TRIM37: variants seen among roughly 807,000 people sequenced by gnomAD.
TRIM37 encodes the protein tripartite motif containing 37.
In TRIM37, 80 loss-of-function variants were observed where a neutral mutation model predicts 129.8. The ratio of observed to expected loss-of-function variants is 0.62; its 90% CI spans 0.51 to 0.74. The LOEUF is 0.74. Ranked by LOEUF, TRIM37 falls within the 30% of genes least tolerant of loss-of-function variation. The pLI, the probability that TRIM37 is intolerant of heterozygous loss-of-function variation, is 0.00. For synonymous variants in TRIM37, 389 were observed against 387.1 expected (o/e 1.00, Z -0.06); for missense variants, 1,054 against 1,176.5 (o/e 0.90, Z 1.52).
chr17:59,047,424 T>C (rs1325015186), intron 16 of TRIM37, among the ~76,000 whole-genome samples: 1 of 152,296 alleles, frequency 6.6e-6, no homozygotes, highest in East Asian at 1.9e-4. Flanking sequence ...AAAATATTCA[T>C]AGGGAATGAA....
At chr17:58,980,257 T>C, downstream of TRIM37, 1 of 1,614,134 alleles carries the variant, frequency 6.2e-7, no homozygotes, top group Non-Finnish European at 8.5e-7. The surrounding 1 kb of genome is among the most constrained non-coding windows in gnomAD (Gnocchi z 4.7). Flanking sequence ...TAAATGTTAG[T>C]GAGGAATCAG....
intron 16 of TRIM37, among the ~76,000 whole-genome samples, chr17:59,045,333 A>T (rs556365260): frequency 2.4e-4 from 36 of 148,298 alleles, no homozygotes; most frequent in Admixed American, 7.4e-4. Flanking sequence ...CGTTTCAAAT[A>T]AAAAAAAAAG....
chr17:59,057,074 C>A lies in TRIM37; in HGVS notation c.1020-20G>T. On this transcript the variant is annotated intron_variant, in intron 12 of 23. Transcript: ENST00000262294. ...TCATATCTAAAATTGAAAAACAGAC[C>A]ATTACTATACAGTTAGTAAAGTAAG... The A allele has an allele frequency of 6.2e-7, 1 of 1,606,422 alleles. No homozygotes were observed. Among genetic ancestry groups the A allele is most frequent in the Non-Finnish European group, 8.5e-7 (1 of 1,173,582 alleles).
chr17:59,056,455 C>T (rs1419983704), intron 13 of TRIM37, among the ~76,000 whole-genome samples: 2 of 151,972 alleles, frequency 1.3e-5, no homozygotes, highest in Non-Finnish European at 2.9e-5. Context: ...AGGGGCCGGG[C>T]ACGGTGGCTC....
At chr17:59,094,964 C>T (rs1409064291) in intron 2 of TRIM37, among the ~76,000 whole-genome samples, 1 of 152,052 alleles carries the variant, frequency 6.6e-6, no homozygotes, top group Non-Finnish European at 1.5e-5. Context: ...ACCTTTAATC[C>T]CAGCACTTTG....
chr17:59,102,287 A>T (rs1239283253), intron 2 of TRIM37, among the ~76,000 whole-genome samples: 2 of 152,336 alleles, frequency 1.3e-5, no homozygotes, highest in East Asian at 3.9e-4. Flanking sequence ...AGGAGGAAGA[A>T]GATGTAACAA....
chr17:58,977,219 T>C, the TRIM37 span, among the ~76,000 whole-genome samples: 1 of 151,724 alleles, frequency 6.6e-6, no homozygotes, highest in Admixed American at 6.6e-5. Flanking sequence ...CCCAGGTGGG[T>C]AGATCACAAG....
Position 59,104,233 on chromosome 17 carries a change from G to A in TRIM37, c.123+60C>T, listed in dbSNP as rs867418146. 6.8e-5 allele frequency: 101 copies of A among 1,484,542 alleles called. 1 individual carries two copies. In the Middle Eastern group the frequency reaches 1.6e-3, roughly 23 times the overall value. 92.0% of individuals were successfully genotyped at this position (1,484,542 alleles called of 1,614,324 possible). On this transcript the variant is annotated intron_variant, in intron 2 of 23. Transcript: ENST00000262294. ...GTAAAATAAAAAGATAAGGGAAATG[G>A]TTAATCCTTACAATATATACTATAT...
At chr17:59,020,552 A>C (rs2036494232) in intron 19 of TRIM37, among the ~76,000 whole-genome samples, 1 of 152,176 alleles carries the variant, frequency 6.6e-6, no homozygotes. Context: ...ATAGTAACTG[A>C]CTTAAGTAGC....
At chr17:58,980,084 G>A (rs778605375), downstream of TRIM37, 7 of 1,614,124 alleles carry the variant, frequency 4.3e-6, no homozygotes, top group East Asian at 1.3e-4. The surrounding 1 kb of genome is among the most constrained non-coding windows in gnomAD (Gnocchi z 4.7). Context: ...CTATGACACC[G>A]TGAACCCTGA....
chr17:58,972,123 T>G, the TRIM37 span: 32 of 1,607,290 alleles, frequency 2.0e-5, 2 homozygotes, highest in South Asian at 3.3e-4. Flanking sequence ...TTATTTAAAC[T>G]GTTTTCAGAG....
chr17:59,019,789 A>G (rs2036370972), intron 19 of TRIM37, among the ~76,000 whole-genome samples: 1 of 152,076 alleles, frequency 6.6e-6, no homozygotes, highest in Admixed American at 6.5e-5. Context: ...GAAGGGGAAG[A>G]TGGGGAACGA....
At chr17:58,989,839 A>T (rs558009425) in intron 24 of TRIM37, among the ~76,000 whole-genome samples, 1 of 152,306 alleles carries the variant, frequency 6.6e-6, no homozygotes, top group East Asian at 1.9e-4. Context: ...AATGGCTTAG[A>T]GTTTTCCAAA....
chr17:59,034,697 A>ACAGG (rs1268012362), intron 17 of TRIM37, among the ~76,000 whole-genome samples: 4 of 152,114 alleles, frequency 2.6e-5, no homozygotes, highest in Non-Finnish European at 5.9e-5. Context: ...ACATTTCCCC[A>ACAGG]CAGGCATCAA....
intron 9 of TRIM37, among the ~76,000 whole-genome samples, chr17:59,067,755 G>A (rs1459454606): frequency 6.9e-6 from 1 of 144,140 alleles, no homozygotes; most frequent in Non-Finnish European, 1.6e-5. Context: ...AGACTGCTCT[G>A]GAACTCCTGA....
chr17:59,048,488 T>C (rs1378128429), intron 15 of TRIM37, among the ~76,000 whole-genome samples: 3 of 152,228 alleles, frequency 2.0e-5, no homozygotes, highest in Non-Finnish European at 1.5e-5. Flanking sequence ...ATTCTGACTG[T>C]TGTTTAGCTG....
intron 19 of TRIM37, among the ~76,000 whole-genome samples, chr17:59,021,680 AGAAT>A (rs1019895738): frequency 5.3e-5 from 8 of 152,160 alleles, no homozygotes; most frequent in Non-Finnish European, 1.0e-4. Context: ...ATAGTTAGAT[AGAAT>A]GAATAAGATC....
In TRIM37 at chr17:59,012,251, C is replaced by CCAG. The variant is rs2035374581; in HGVS notation, c.2695+76_2695+77insCTG. On this transcript the variant is annotated intron_variant, in intron 22 of 23. Coordinates refer to ENST00000262294, the MANE Select transcript of TRIM37 (RefSeq NM_015294.6). ...AGCACCACCACCACCACCACCACCA[C>CCAG]CACCACCCACCACCCACCACCAAAA... is the stretch of plus-strand genomic sequence containing the variant. 1.7e-5 allele frequency: 16 copies of CCAG among 949,030 alleles called. No homozygotes were observed. In the East Asian group the frequency reaches 3.9e-4, roughly 23 times the overall value. The allele number at this position is 949,030 out of a possible 1,614,324, so 58.8% of individuals were successfully genotyped here.
intron 24 of TRIM37, among the ~76,000 whole-genome samples, chr17:58,988,158 G>T (rs1189579846): frequency 6.6e-6 from 1 of 152,194 alleles, no homozygotes; most frequent in East Asian, 1.9e-4. Flanking sequence ...GTGATGATTG[G>T]TGAAGGCAGA....
Sources: allele counts gnomAD v4.1 joint callset (sites outside exome capture counted in the v4.1 genomes callset), GRCh38; gene constraint gnomAD v4.1.1; non-coding constraint Gnocchi (gnomAD v3.1); transcripts MANE v1.5; gene names NCBI Gene and HGNC (gene_info 2026-07-23, HGNC 2026-07-21).